Variants in UMODL1 observed in about 807,000 individuals in gnomAD.
The protein encoded by UMODL1 is uromodulin-like 1.
In UMODL1, 128 loss-of-function variants were observed where a neutral mutation model predicts 136.3. That is an observed-to-expected ratio of 0.94 (90% confidence interval 0.81 to 1.09). The LOEUF (loss-of-function observed/expected upper bound fraction) is 1.09. Among genes scored for constraint, UMODL1 ranks in the 50% least tolerant of loss-of-function variants. UMODL1 has a pLI of 0.00. For synonymous variants in UMODL1, 721 were observed against 720.0 expected, an observed-to-expected ratio of 1.00 and a Z score of -0.02; for missense variants, 1,766 against 1,725.6, an observed-to-expected ratio of 1.02 and a Z score of -0.41.
chr21:42,123,240 ACT>A lies in UMODL1; in HGVS notation c.3147+93_3147+94del, dbSNP rs2067004337. ...CCTCGATGTGGGAGGGCCAGGCAAG[ACT>A]CTGCACCCCGAGGGGAACCCAGCAA... On this transcript the variant is annotated intron_variant, in intron 17 of 22. Transcript: ENST00000408910. The surrounding 1 kb of genome is among the most constrained non-coding windows in gnomAD (Gnocchi z 4.4). 8 of 1,429,692 alleles carry A rather than the reference ACT, an allele frequency of 5.6e-6. No homozygotes were observed. The highest frequency in any genetic ancestry group is 1.4e-5 in the African/African-American group (1 of 70,616). 88.6% of individuals were successfully genotyped at this position (1,429,692 alleles called of 1,614,324 possible). A position where few individuals can be genotyped will look rare whatever the true frequency, so the allele number is the denominator to read the frequency against.
intron 20 of UMODL1, among the ~76,000 whole-genome samples, chr21:42,128,464 C>G (rs1455778597): frequency 1.3e-5 from 2 of 152,002 alleles, no homozygotes; most frequent in Non-Finnish European, 2.9e-5. Flanking sequence ...GAATGCTTCT[C>G]TCTCCTCGGA....
rs1601258476 is a variant in UMODL1, at chr21:42,122,550, T to C, written c.2828-281T>C. ...TGTGCAACATGTGCATGTGTGCGTG[T>C]GTGTGTGTCTGCACGTGTGTGCGTG... On this transcript the variant is annotated intron_variant, in intron 16 of 22. Transcript: ENST00000408910. This position sits in a 1 kb window ranked among gnomAD's most constrained non-coding sequence, Gnocchi z 4.3. 7.4e-6 allele frequency among the ~76,000 whole-genome samples: 1 copy of C among 134,778 alleles called. No individual in the cohort carries two copies. Among genetic ancestry groups the C allele is most frequent in the Non-Finnish European group, 1.8e-5 (1 of 57,080 alleles). The allele number at this position is 134,778 out of a possible 152,430, so 88.4% of individuals were successfully genotyped here.
rs1208558947 is a variant in UMODL1 at position 42,109,692 on chromosome 21, C to A, written c.1650C>A (p.Ala550=). ...RDATPSRAGR[A]CEGDLVSPMG... is the part of the protein sequence containing the mutation. ...CCACCCCCTCCCGCGCAGGCCGGGC[C>A]TGTGAGGGTACGTGTCGACCCCCCT... is the stretch of plus-strand genomic sequence containing the variant. Residue 550 remains alanine (A), a synonymous_variant, in exon 10 of 23, where the codon GCC becomes GCA. Transcript: ENST00000408910. 1 of 1,602,810 alleles carries A rather than the reference C, an allele frequency of 6.2e-7. No homozygotes were observed. The highest frequency in any genetic ancestry group is 2.2e-5 in the East Asian group (1 of 44,886).
At chr21:42,075,716 G>A (rs1282161997) in intron 1 of UMODL1, among the ~76,000 whole-genome samples, 1 of 152,262 alleles carries the variant, frequency 6.6e-6, no homozygotes, top group African/African-American at 2.4e-5. Context: ...TGTGCTTCAG[G>A]AAGCATGCGT....
chr21:42,108,512 C>T, intron 9 of UMODL1: 1 of 408,272 alleles, frequency 2.4e-6, no homozygotes, highest in Non-Finnish European at 5.0e-6. Context: ...CACTCAGCAG[C>T]AGGGTTTTCT....
At chr21:42,097,514 T>A (rs1412223428) in intron 6 of UMODL1, among the ~76,000 whole-genome samples, 5 of 152,188 alleles carry the variant, frequency 3.3e-5, no homozygotes, top group Admixed American at 1.3e-4. Context: ...AGTGTTGGGT[T>A]TTTTTTGTTT....
chr21:42,063,473 T>A (rs2066157905), intron 1 of UMODL1, among the ~76,000 whole-genome samples: 1 of 152,210 alleles, frequency 6.6e-6, no homozygotes, highest in African/African-American at 2.4e-5. Flanking sequence ...TGGGATTTTT[T>A]AAAGAGCTTC....
intron 21 of UMODL1, among the ~76,000 whole-genome samples, chr21:42,135,289 G>A (rs2067190854): frequency 6.6e-6 from 1 of 152,254 alleles, no homozygotes; most frequent in Admixed American, 6.5e-5. Flanking sequence ...TTCAGGGCTT[G>A]CTCTCCACTT....
In UMODL1 at chr21:42,085,149, A is replaced by G; in HGVS notation, c.482-142A>G. 2 of 1,035,688 alleles carry G rather than the reference A, an allele frequency of 1.9e-6. No homozygotes were observed. The highest frequency in any genetic ancestry group is 2.8e-6 in the Non-Finnish European group (2 of 718,992). The allele number at this position is 1,035,688 out of a possible 1,614,324, so 64.2% of individuals were successfully genotyped here. A position where few individuals can be genotyped will look rare whatever the true frequency, so the allele number is the denominator to read the frequency against. ...GGACATCCCCCGTCTCCTGTGGTAG[A>G]TGTCTTTTTGCAGGGAGGTAAATGC... is the stretch of plus-strand genomic sequence containing the variant. On this transcript the variant is annotated intron_variant, in intron 3 of 22. Coordinates refer to ENST00000408910, the MANE Select transcript of UMODL1 (RefSeq NM_001004416.3). The surrounding 1 kb of genome is among the most constrained non-coding windows in gnomAD (Gnocchi z 4.5).
intron 1 of UMODL1, among the ~76,000 whole-genome samples, chr21:42,065,187 G>A (rs757532311): frequency 6.6e-6 from 1 of 152,232 alleles, no homozygotes; most frequent in African/African-American, 2.4e-5. Flanking sequence ...TGCCTGTTGC[G>A]ATGAGGGCTG....
chr21:42,105,197 C>T (rs1248854279), intron 9 of UMODL1, among the ~76,000 whole-genome samples: 1 of 152,212 alleles, frequency 6.6e-6, no homozygotes, highest in East Asian at 1.9e-4. Context: ...TACAGTGGCC[C>T]CTGTACCTGG....
At chr21:42,069,229 A>ACACACAC (rs2066208132), upstream of UMODL1, among the ~76,000 whole-genome samples, 2 of 136,304 alleles carry the variant, frequency 1.5e-5, no homozygotes, top group Non-Finnish European at 3.1e-5. Flanking sequence ...CACAGACAGA[A>ACACACAC]ACACACACAC....
intron 1 of UMODL1, among the ~76,000 whole-genome samples, chr21:42,075,724 C>A (rs539724832): frequency 6.6e-6 from 1 of 152,222 alleles, no homozygotes; most frequent in Admixed American, 6.5e-5. Flanking sequence ...AGGAAGCATG[C>A]GTGGGGCCCA....
chr21:42,111,145 G>A, intron 11 of UMODL1, 24 bp downstream of exon 11: 2 of 1,595,996 alleles, frequency 1.3e-6, no homozygotes, highest in South Asian at 1.1e-5. Flanking sequence ...CCCCGGGTCT[G>A]GGGATGGACC....
At chr21:42,076,882 T>C (rs959218205) in intron 2 of UMODL1, among the ~76,000 whole-genome samples, 1 of 152,150 alleles carries the variant, frequency 6.6e-6, no homozygotes, top group Non-Finnish European at 1.5e-5. Flanking sequence ...TGTAGGATGC[T>C]TGGGGCCAGT....
chr21:42,068,800 A>G (rs2066204369), upstream of UMODL1, among the ~76,000 whole-genome samples: 1 of 152,126 alleles, frequency 6.6e-6, no homozygotes. The surrounding 1 kb of genome is among the most constrained non-coding windows in gnomAD (Gnocchi z 5.5). Context: ...GTGTGTCTGT[A>G]TGTGTCGGTG....
chr21:42,113,736 G>A lies in UMODL1; in HGVS notation c.2268G>A (p.Leu756=), dbSNP rs1405456775. The change falls in exon 13 of 23, where the codon CTG becomes CTA. Residue 756 remains leucine (L), a synonymous_variant. Coordinates refer to ENST00000408910, the MANE Select transcript of UMODL1 (RefSeq NM_001004416.3). Reference sequence around the variant, plus strand: ...AGACCTGGAACACGAGTGTGACACTGTCGGGGCTGGAGCCTGGGGTCTTGC... The same window carrying A: ...AGACCTGGAACACGAGTGTGACACTATCGGGGCTGGAGCCTGGGGTCTTGC... ...VLETWNTSVT[L]SGLEPGVLHL... is the part of the protein sequence containing the mutation. The A allele has an allele frequency of 2.5e-6, 4 of 1,614,110 alleles. No individual in the cohort carries two copies. Among genetic ancestry groups the A allele is most frequent in the Non-Finnish European group, 3.4e-6 (4 of 1,180,038 alleles).
At chr21:42,115,819 G>A (rs2066894098) in intron 13 of UMODL1, 54 bp from the exon 14 acceptor site, 1 of 1,347,400 alleles carries the variant, frequency 7.4e-7, no homozygotes, top group South Asian at 1.2e-5. Context: ...TGAAATGTTA[G>A]TCTGTTATCT....
In UMODL1 at chr21:42,103,831, C is replaced by T. The variant is rs220111; in HGVS notation, c.1300-37C>T. 1.1e-5 allele frequency: 18 copies of T among 1,610,558 alleles called. No individual in the cohort carries two copies. The African/African-American group carries it at 1.6e-4, about 14-fold the overall frequency. ...GAACCCTGCTTAATGGTCGTGAAGACGTTGATGGATGTCTGCTGTTGCCTC... is the reference window on the plus strand; with the variant it reads ...GAACCCTGCTTAATGGTCGTGAAGATGTTGATGGATGTCTGCTGTTGCCTC... On this transcript the variant is annotated intron_variant, in intron 8 of 22. Transcript: ENST00000408910.
Sources: gnomAD v4.1 joint callset for allele counts (sites outside exome capture counted in the v4.1 genomes callset) on GRCh38, gnomAD v4.1.1 for gene constraint, Gnocchi (gnomAD v3.1) non-coding constraint, MANE v1.5 for transcripts, NCBI Gene and HGNC (gene_info 2026-07-23, HGNC 2026-07-21) for gene names.